Variants in CDH13 observed in about 807,000 individuals in gnomAD.
CDH13 encodes the protein cadherin-13.
Under a neutral mutation model 63.8 loss-of-function variants are expected in CDH13, and 24 were observed. That is an observed-to-expected ratio of 0.38 (90% CI 0.27 to 0.53). The LOEUF is 0.53. CDH13 is among the 20% of genes least tolerant of loss of function. The pLI is 0.85. For missense variants in CDH13, 1,049 were observed against 903.1 expected, an observed-to-expected ratio of 1.16 and a Z score of -2.07; for synonymous variants, 503 against 355.3, an observed-to-expected ratio of 1.42 and a Z score of -4.67.
chr16:83,290,972 G>A (rs1002578229), intron 5 of CDH13, among the ~76,000 whole-genome samples: 16 of 152,122 alleles, frequency 1.1e-4, no homozygotes, highest in Middle Eastern at 3.4e-3. Context: ...CTTCCACTTC[G>A]CCTTTGCTAA....
chr16:83,512,337 TA>T (rs2074589527), intron 7 of CDH13, among the ~76,000 whole-genome samples: 6 of 139,660 alleles, frequency 4.3e-5, no homozygotes, highest in Non-Finnish European at 7.7e-5. Context: ...AATAAATAAA[TA>T]AATAAATAAA....
At chr16:83,199,745 G>C (rs1374935529) in intron 4 of CDH13, among the ~76,000 whole-genome samples, 3 of 152,194 alleles carry the variant, frequency 2.0e-5, no homozygotes, top group Non-Finnish European at 4.4e-5. Context: ...GGTACAATGT[G>C]CTTTAGGGAT....
intron 11 of CDH13, among the ~76,000 whole-genome samples, chr16:83,752,040 G>A (rs1431059916): frequency 6.6e-6 from 1 of 152,242 alleles, no homozygotes; most frequent in Non-Finnish European, 1.5e-5. Flanking sequence ...TACAGAATCA[G>A]GGATGAAAAT....
chr16:82,828,867 C>T (rs1343863281), intron 1 of CDH13, among the ~76,000 whole-genome samples: 3 of 152,068 alleles, frequency 2.0e-5, no homozygotes, highest in Non-Finnish European at 4.4e-5. Context: ...TGCCATTTTA[C>T]ATAGGGTATT....
chr16:83,708,066 C>G (rs1323905364), intron 10 of CDH13, among the ~76,000 whole-genome samples: 2 of 152,166 alleles, frequency 1.3e-5, no homozygotes, highest in Non-Finnish European at 2.9e-5. Flanking sequence ...CCAGCCAAGG[C>G]TCTTCCAGCC....
At chr16:83,153,062 G>T (rs779552488) in intron 4 of CDH13, among the ~76,000 whole-genome samples, 1 of 152,124 alleles carries the variant, frequency 6.6e-6, no homozygotes, top group African/African-American at 2.4e-5. Flanking sequence ...CTCAAGACAG[G>T]GGAATTGCAA....
At chr16:82,919,607 C>A (rs1489970564) in intron 2 of CDH13, among the ~76,000 whole-genome samples, 1 of 152,162 alleles carries the variant, frequency 6.6e-6, no homozygotes, top group Non-Finnish European at 1.5e-5. Flanking sequence ...ATCCAGCTCA[C>A]CATTGATGGG....
At chr16:83,070,303 G>T (rs2032335976) in intron 3 of CDH13, among the ~76,000 whole-genome samples, 1 of 152,150 alleles carries the variant, frequency 6.6e-6, no homozygotes, top group South Asian at 2.1e-4. Context: ...CAGTTTAAGG[G>T]TGTTGGGTAC....
In CDH13 at chr16:83,217,456, G is replaced by A. The variant is rs775844900; in HGVS notation, c.595G>A (p.Val199Met). The A allele has an allele frequency of 3.8e-5, 62 of 1,613,780 alleles. No individual in the cohort carries two copies. The highest frequency in any genetic ancestry group is 4.7e-5 in the Non-Finnish European group (55 of 1,179,820). ...RINENTGSVS[V>M]TRTLDREVIA... ...CAATGAGAACACAGGGAGCGTCTCC[G>A]TGACACGGACCTTGGACAGAGAAGT... Residue 199 changes from valine (V) to methionine (M), a missense_variant, in exon 5 of 14, where the codon GTG becomes ATG. Val to Met is a conservative substitution (Grantham distance 21, BLOSUM62 1). Coordinates refer to ENST00000567109, the MANE Select transcript of CDH13 (RefSeq NM_001257.5).
chr16:82,705,325 T>C (rs557844778), intron 1 of CDH13: 1 of 359,008 alleles, frequency 2.8e-6, no homozygotes, highest in Admixed American at 4.0e-5. Flanking sequence ...TCTCCTTCTC[T>C]CCAGCAAGGG....
At chr16:83,623,385 A>C (rs1403090062) in intron 8 of CDH13, among the ~76,000 whole-genome samples, 1 of 152,098 alleles carries the variant, frequency 6.6e-6, no homozygotes, top group Non-Finnish European at 1.5e-5. Flanking sequence ...CCTTCCCAGC[A>C]TGCACTATCG....
chr16:83,014,941 G>A (rs1037603506), intron 2 of CDH13, among the ~76,000 whole-genome samples: 10 of 146,732 alleles, frequency 6.8e-5, no homozygotes, highest in Non-Finnish European at 1.0e-4. Flanking sequence ...TTAATGAAAC[G>A]GAAAACCTCA....
At chr16:83,744,140 T>C (rs1912338841) in intron 10 of CDH13, among the ~76,000 whole-genome samples, 1 of 152,140 alleles carries the variant, frequency 6.6e-6, no homozygotes, top group Admixed American at 6.5e-5. Context: ...CAAGGAAGCA[T>C]TCTGTGTGTC....
chr16:82,919,288 A>G (rs182043052), intron 2 of CDH13, among the ~76,000 whole-genome samples: 1 of 152,328 alleles, frequency 6.6e-6, no homozygotes, highest in East Asian at 1.9e-4. Context: ...GATTTGTTGT[A>G]CAGATTATGT....
intron 6 of CDH13, among the ~76,000 whole-genome samples, chr16:83,387,291 G>C (rs1015964882): frequency 6.6e-6 from 1 of 152,160 alleles, no homozygotes; most frequent in Non-Finnish European, 1.5e-5. Flanking sequence ...CAGGAAGAAG[G>C]CTTAAGATGT....
At position 82,886,500 on chromosome 16, in the gene CDH13, T is replaced by C. The variant is rs138987741; in HGVS notation, c.157+28027T>C. Among the ~76,000 whole-genome samples the C allele has an allele frequency of 3.6e-3, 547 of 152,330 alleles. 7 individuals carry two copies. Among genetic ancestry groups the C allele is most frequent in the African/African-American group, 0.012 (493 of 41,572 alleles). On this transcript the variant is annotated intron_variant, in intron 2 of 13. Coordinates refer to ENST00000567109, the MANE Select transcript of CDH13 (RefSeq NM_001257.5). ...TCACCAGCAAAGTTAAACTTTGCCA[T>C]GTGTTTTTTGACCATATTCATTTCT...
intron 7 of CDH13, among the ~76,000 whole-genome samples, chr16:83,569,150 G>A (rs763317466): frequency 6.6e-6 from 1 of 151,926 alleles, no homozygotes; most frequent in Non-Finnish European, 1.5e-5. Context: ...CCTGCCCTCT[G>A]TGCTTTGCAC....
At chr16:82,729,729 C>G (rs964112535) in intron 1 of CDH13, among the ~76,000 whole-genome samples, 5 of 152,136 alleles carry the variant, frequency 3.3e-5, no homozygotes, top group African/African-American at 1.2e-4. Flanking sequence ...AGCTTTGAAG[C>G]CAGGCAGTGA....
chr16:83,762,822 G>A (rs575757581), intron 11 of CDH13, among the ~76,000 whole-genome samples: 26 of 152,176 alleles, frequency 1.7e-4, no homozygotes, highest in Middle Eastern at 6.8e-3. Flanking sequence ...TATTGAATGG[G>A]GCTCTTATGC....
Sources: gnomAD v4.1 joint callset for allele counts (sites outside exome capture counted in the v4.1 genomes callset) on GRCh38, gnomAD v4.1.1 for gene constraint, MANE v1.5 for transcripts, NCBI Gene and HGNC (gene_info 2026-07-23, HGNC 2026-07-21) for gene names.